The following GSG1L variants were observed in gnomAD, a reference collection of about 807,000 sequenced individuals.
The protein encoded by GSG1L is GSG1 like.
In GSG1L, 24 loss-of-function variants were observed where a neutral mutation model predicts 42.1. That is an observed-to-expected ratio of 0.57 (90% confidence interval 0.41 to 0.80). The LOEUF (loss-of-function observed/expected upper bound fraction) is 0.80. GSG1L is among the 30% of genes least tolerant of loss of function. The probability of loss-of-function intolerance (pLI) is 0.00; values close to 1 mark genes in which losing one functional copy is unlikely to be tolerated. For synonymous variants in GSG1L, 215 were observed against 203.5 expected (o/e 1.06, Z -0.48); for missense variants, 445 against 472.2 (o/e 0.94, Z 0.53).
chr16:27,980,223 C>T (rs981035446), intron 1 of GSG1L, among the ~76,000 whole-genome samples: 5 of 152,154 alleles, frequency 3.3e-5, no homozygotes, highest in African/African-American at 1.2e-4. Context: ...GGACATTGGG[C>T]GCCCAGGTCC....
At chr16:28,006,377 C>T (rs563370811) in intron 1 of GSG1L, among the ~76,000 whole-genome samples, 1 of 151,336 alleles carries the variant, frequency 6.6e-6, no homozygotes, top group Admixed American at 6.6e-5. Flanking sequence ...GGTGTGATCT[C>T]GGCTCACTGC....
At chr16:27,910,438 G>A (rs562257225) in intron 2 of GSG1L, among the ~76,000 whole-genome samples, 1 of 152,304 alleles carries the variant, frequency 6.6e-6, no homozygotes, top group South Asian at 2.1e-4. Context: ...CTGTGAGGTA[G>A]GTAATGTGAT....
At chr16:27,830,669 C>T (rs1235947904) in intron 4 of GSG1L, among the ~76,000 whole-genome samples, 2 of 152,172 alleles carry the variant, frequency 1.3e-5, no homozygotes, top group Admixed American at 1.3e-4. Context: ...ATGTGACTCA[C>T]CACCCCCCAC....
At chr16:27,969,189 C>T (rs1040157366) in intron 1 of GSG1L, among the ~76,000 whole-genome samples, 1 of 152,136 alleles carries the variant, frequency 6.6e-6, no homozygotes, top group Non-Finnish European at 1.5e-5. Flanking sequence ...AGCATATTCA[C>T]CAGGCTGTGT....
chr16:27,947,890 A>G (rs1011802688), intron 2 of GSG1L, among the ~76,000 whole-genome samples: 2 of 152,188 alleles, frequency 1.3e-5, no homozygotes, highest in African/African-American at 4.8e-5. Context: ...TCCATGCACA[A>G]GGGTCAGACT....
At chr16:27,971,246 C>T (rs887348649) in intron 1 of GSG1L, among the ~76,000 whole-genome samples, 4 of 152,150 alleles carry the variant, frequency 2.6e-5, no homozygotes, top group South Asian at 2.1e-4. Context: ...GAAGTATTGC[C>T]GTCTTAAAAT....
chr16:27,980,403 G>A (rs2141124873), intron 1 of GSG1L, among the ~76,000 whole-genome samples: 1 of 152,278 alleles, frequency 6.6e-6, no homozygotes, highest in South Asian at 2.1e-4. Flanking sequence ...GGGAGAGGCG[G>A]GGAAGGCAGG....
intron 3 of GSG1L, among the ~76,000 whole-genome samples, chr16:27,873,576 T>A (rs903332356): frequency 2.0e-5 from 3 of 152,172 alleles, no homozygotes; most frequent in Admixed American, 2.0e-4. Context: ...AGATGTTGCA[T>A]TAAGAGCCAA....
In GSG1L at chr16:28,030,978, TG is replaced by T. The variant is rs577108898; in HGVS notation, c.349+32097del. Among the ~76,000 whole-genome samples the T allele has an allele frequency of 2.6e-4, 26 of 100,004 alleles. 1 individual carries two copies. Among genetic ancestry groups the T allele is most frequent in the African/African-American group, 1.0e-3 (26 of 24,900 alleles). 65.6% of individuals were successfully genotyped at this position (100,004 alleles called of 152,430 possible). On this transcript the variant is annotated intron_variant, in intron 1 of 6. Coordinates refer to ENST00000447459, the MANE Select transcript of GSG1L (RefSeq NM_001109763.2). The stretch of plus-strand genomic sequence containing the variant: ...TAAGATGGGATGGGATGGGTTGGGA[TG>T]GGTTGCGATGGAATGGGATAAGATG...
At chr16:27,837,387 G>A (rs918704355) in intron 4 of GSG1L, among the ~76,000 whole-genome samples, 1 of 151,946 alleles carries the variant, frequency 6.6e-6, no homozygotes, top group African/African-American at 2.4e-5. Context: ...AACCATATCA[G>A]CCACCATTGA....
intron 1 of GSG1L, among the ~76,000 whole-genome samples, chr16:28,039,220 G>A (rs1466747684): frequency 6.6e-6 from 1 of 152,174 alleles, no homozygotes; most frequent in East Asian, 1.9e-4. Flanking sequence ...TCGACCATGG[G>A]GAAGGAAGGG....
chr16:27,978,434 T>A (rs1304099526), intron 1 of GSG1L, among the ~76,000 whole-genome samples: 2 of 151,196 alleles, frequency 1.3e-5, no homozygotes, highest in Non-Finnish European at 2.9e-5. Context: ...GGCTCACGCC[T>A]GTAATCCCAG....
intron 4 of GSG1L, among the ~76,000 whole-genome samples, chr16:27,835,496 T>C (rs1321007993): frequency 8.5e-5 from 13 of 152,154 alleles, no homozygotes; most frequent in Admixed American, 7.9e-4. Context: ...ACCATTTACA[T>C]TTAAAGTGAT....
Position 27,824,288 on chromosome 16 carries a change from G to A in GSG1L, c.830+4501C>T, listed in dbSNP as rs545687320. 3.4e-3 allele frequency among the ~76,000 whole-genome samples: 517 copies of A among 152,268 alleles called. 1 individual carries two copies. The highest frequency in any genetic ancestry group is 6.2e-3 in the Non-Finnish European group (420 of 68,024). ...GGAAACAGGCTCAAAGGGGCTCAGC[G>A]CCTCACCCCAAATTACATAGCAGCA... is the stretch of plus-strand genomic sequence containing the variant. On this transcript the variant is annotated intron_variant, in intron 5 of 6. Transcript: ENST00000447459.
At chr16:27,993,919 A>G (rs4788028) in intron 1 of GSG1L, among the ~76,000 whole-genome samples, 105,438 of 152,068 alleles carry the variant, frequency 0.69, 37,415 homozygotes, top group South Asian at 0.87. Flanking sequence ...GGACAGGGCG[A>G]AGCTACCAGA....
At chr16:27,892,249 G>A (rs1014970307) in intron 2 of GSG1L, among the ~76,000 whole-genome samples, 1 of 152,032 alleles carries the variant, frequency 6.6e-6, no homozygotes, top group Non-Finnish European at 1.5e-5. Context: ...AAGCCCAGGA[G>A]TTCGAGACCA....
intron 2 of GSG1L, among the ~76,000 whole-genome samples, chr16:27,914,273 G>A (rs1212787164): frequency 6.6e-6 from 1 of 152,034 alleles, no homozygotes; most frequent in African/African-American, 2.4e-5. Context: ...ATTTATACCA[G>A]CAAAAAGACT....
At chr16:27,922,006 T>A (rs1372188900) in intron 2 of GSG1L, among the ~76,000 whole-genome samples, 1 of 151,152 alleles carries the variant, frequency 6.6e-6, no homozygotes, top group East Asian at 1.9e-4. Flanking sequence ...TTGTCTTTTT[T>A]TTTTTTTTTG....
intron 2 of GSG1L, among the ~76,000 whole-genome samples, chr16:27,949,328 T>C (rs2084925127): frequency 6.6e-6 from 1 of 152,218 alleles, no homozygotes; most frequent in African/African-American, 2.4e-5. Context: ...AATTAGACTT[T>C]TTCAGTGAAT....
Sources: allele counts gnomAD v4.1 joint callset (sites outside exome capture counted in the v4.1 genomes callset), GRCh38; gene constraint gnomAD v4.1.1; transcripts MANE v1.5; gene names NCBI Gene and HGNC (gene_info 2026-07-23, HGNC 2026-07-21).